Variants in PARD3B observed in about 807,000 individuals in gnomAD.
PARD3B encodes the protein partitioning defective 3 homolog B.
PARD3B carries 103 observed loss-of-function variants against 130.2 expected under a neutral mutation model. That is an observed-to-expected ratio of 0.79 (90% CI 0.67 to 0.93). The LOEUF (loss-of-function observed/expected upper bound fraction) is 0.93. PARD3B is among the 40% of genes least tolerant of loss of function. The pLI is 0.00. For missense variants in PARD3B, 1,609 were observed against 1,499.2 expected, an observed-to-expected ratio of 1.07 and a Z score of -1.21; for synonymous variants, 583 against 553.2, an observed-to-expected ratio of 1.05 and a Z score of -0.76.
chr2:204,747,259 G>C (rs894771323), intron 2 of PARD3B, among the ~76,000 whole-genome samples: 8 of 152,018 alleles, frequency 5.3e-5, no homozygotes, highest in East Asian at 3.9e-4. Flanking sequence ...TCTTGTTTTT[G>C]TCAGGTTTGT....
chr2:205,567,920 G>A (rs2053417247), intron 22 of PARD3B, among the ~76,000 whole-genome samples: 1 of 152,192 alleles, frequency 6.6e-6, no homozygotes, highest in Admixed American at 6.5e-5. Flanking sequence ...GGGGTCTTCT[G>A]GAGATGGTAG....
chr2:204,592,171 C>T (rs1464610710), intron 1 of PARD3B, among the ~76,000 whole-genome samples: 1 of 152,228 alleles, frequency 6.6e-6, no homozygotes, highest in East Asian at 1.9e-4. Flanking sequence ...AGGGGACCAA[C>T]CGCATCAATT....
rs2046400523 is a variant in PARD3B at position 204,890,330 on chromosome 2, G to T, written c.223-74822G>T. On this transcript the variant is annotated intron_variant, in intron 2 of 22. Coordinates refer to ENST00000406610, the MANE Select transcript of PARD3B (RefSeq NM_001302769.2). The surrounding 1 kb of genome is among the most constrained non-coding windows in gnomAD (Gnocchi z 4.9). ...TGACAAGGCATGGAACAGCATAATG[G>T]TCTTGGGAATGCTTGTGTTTTCCTA... Among the ~76,000 whole-genome samples the T allele has an allele frequency of 1.3e-5, 2 of 152,158 alleles. No individual in the cohort carries two copies. Among genetic ancestry groups the T allele is most frequent in the African/African-American group, 4.8e-5 (2 of 41,446 alleles).
chr2:205,480,514 G>A (rs1014969582), intron 20 of PARD3B, among the ~76,000 whole-genome samples: 28 of 152,144 alleles, frequency 1.8e-4, no homozygotes, highest in Admixed American at 3.9e-4. Flanking sequence ...TAAGGCCCAT[G>A]TGGTTAAGGA....
intron 2 of PARD3B, among the ~76,000 whole-genome samples, chr2:204,867,297 G>A (rs958427890): frequency 1.3e-5 from 2 of 152,092 alleles, no homozygotes; most frequent in East Asian, 3.9e-4. Flanking sequence ...TTTTCAGCTT[G>A]ATAATTCTTT....
At chr2:204,925,171 G>A (rs1687503268) in intron 2 of PARD3B, among the ~76,000 whole-genome samples, 1 of 152,054 alleles carries the variant, frequency 6.6e-6, no homozygotes, top group South Asian at 2.1e-4. Context: ...TTATCTCTGA[G>A]TAATAGGTAG....
At chr2:205,383,105 T>TAGATAGATAGATAGATAGAGAGAG (rs1553500304) in intron 18 of PARD3B, among the ~76,000 whole-genome samples, 4 of 136,712 alleles carry the variant, frequency 2.9e-5, no homozygotes, top group Non-Finnish European at 6.5e-5. Flanking sequence ...GATAGATAGA[T>TAGATAGATAGATAGATAGAGAGAG]AGATAGATAG....
intron 22 of PARD3B, among the ~76,000 whole-genome samples, chr2:205,583,838 C>T (rs115799626): frequency 0.03 from 4,603 of 152,336 alleles, 111 homozygotes; most frequent in Non-Finnish European, 0.047. Flanking sequence ...TTCCACCTCA[C>T]CTCCAGTTCT....
At chr2:204,792,269 A>G (rs755851944) in intron 2 of PARD3B, among the ~76,000 whole-genome samples, 1 of 152,228 alleles carries the variant, frequency 6.6e-6, no homozygotes, top group Non-Finnish European at 1.5e-5. Context: ...AAGCACAAAT[A>G]TCAGAACATA....
chr2:205,119,826 T>C (rs1422451216), intron 7 of PARD3B, among the ~76,000 whole-genome samples: 1 of 152,160 alleles, frequency 6.6e-6, no homozygotes, highest in Non-Finnish European at 1.5e-5. Flanking sequence ...AGAAATCATC[T>C]TTCTGCATGT....
chr2:204,973,985 T>C (rs1691928133), intron 3 of PARD3B, among the ~76,000 whole-genome samples: 1 of 152,238 alleles, frequency 6.6e-6, no homozygotes, highest in African/African-American at 2.4e-5. Context: ...CCTGTCAATT[T>C]ATCTTTGAAA....
chr2:205,400,727 T>G (rs1266843890), intron 18 of PARD3B, among the ~76,000 whole-genome samples: 2 of 152,126 alleles, frequency 1.3e-5, no homozygotes, highest in Non-Finnish European at 2.9e-5. Flanking sequence ...GATGTTTCTG[T>G]CTTTCTCAGA....
chr2:204,858,411 A>G (rs977514123), intron 2 of PARD3B, among the ~76,000 whole-genome samples: 1 of 151,790 alleles, frequency 6.6e-6, no homozygotes, highest in Non-Finnish European at 1.5e-5. Context: ...ATGCCACAAC[A>G]TGGATGGTCC....
At chr2:205,254,301 T>C (rs1411987510) in intron 16 of PARD3B, among the ~76,000 whole-genome samples, 1 of 152,022 alleles carries the variant, frequency 6.6e-6, no homozygotes, top group Non-Finnish European at 1.5e-5. Flanking sequence ...ATATTGGAAG[T>C]ACACATTAAA....
At position 205,301,392 on chromosome 2, in the gene PARD3B, T is replaced by C. The variant is rs80299482; in HGVS notation, c.2393-72T>C. 6.9e-3 allele frequency: 10,610 copies of C among 1,542,078 alleles called. 522 individuals carry two copies. In the African/African-American group the frequency reaches 0.12, roughly 17 times the overall value. On this transcript the variant is annotated intron_variant, in intron 17 of 22. Transcript: ENST00000406610. The surrounding 1 kb of genome is among the most constrained non-coding windows in gnomAD (Gnocchi z 5.2). ...GTTATTCATTCTTTTGCATTTTACA[T>C]GTTAGCGTTTCTCTGTATACTAACT...
chr2:204,947,337 C>G lies in PARD3B; in HGVS notation c.223-17815C>G, dbSNP rs569747170. 2.0e-5 allele frequency among the ~76,000 whole-genome samples: 3 copies of G among 152,204 alleles called. No homozygotes were observed. In the East Asian group the frequency reaches 5.8e-4, roughly 29 times the overall value. On this transcript the variant is annotated intron_variant, in intron 2 of 22. Coordinates refer to ENST00000406610, the MANE Select transcript of PARD3B (RefSeq NM_001302769.2). ...CTCATTTTGTCAATGACATTTTATT[C>G]ATGGAGTAAGTGTAGAGTGAAAAGA... is the stretch of plus-strand genomic sequence containing the variant.
chr2:204,663,582 C>T, intron 1 of PARD3B, among the ~76,000 whole-genome samples: 1 of 152,160 alleles, frequency 6.6e-6, no homozygotes, highest in East Asian at 1.9e-4. Flanking sequence ...TGAAATGCGG[C>T]ATTGGACCTG....
chr2:205,498,444 G>A (rs2050027231), intron 20 of PARD3B, among the ~76,000 whole-genome samples: 2 of 151,976 alleles, frequency 1.3e-5, no homozygotes, highest in African/African-American at 2.4e-5. Context: ...AGAGGGTGCA[G>A]TGAGCCAAGA....
At chr2:205,083,334 GAAAA>G (rs55665658) in intron 4 of PARD3B, among the ~76,000 whole-genome samples, 3 of 140,114 alleles carry the variant, frequency 2.1e-5, no homozygotes, top group Admixed American at 2.1e-4. Context: ...TTTAAGAATA[GAAAA>G]AAAAAAAAGA....
Sources: gnomAD v4.1 joint callset for allele counts (sites outside exome capture counted in the v4.1 genomes callset) on GRCh38, gnomAD v4.1.1 for gene constraint, Gnocchi (gnomAD v3.1) non-coding constraint, MANE v1.5 for transcripts, NCBI Gene and HGNC (gene_info 2026-07-23, HGNC 2026-07-21) for gene names.